Variants in PPP1R12B observed in about 807,000 individuals in gnomAD.
PPP1R12B encodes the protein protein phosphatase 1 regulatory subunit 12B.
Under a neutral mutation model 126.1 loss-of-function variants are expected in PPP1R12B, and 76 were observed. The ratio of observed to expected loss-of-function variants is 0.60; its 90% CI spans 0.50 to 0.73. The LOEUF (loss-of-function observed/expected upper bound fraction) is 0.73. PPP1R12B is among the 30% of genes least tolerant of loss of function. The probability of loss-of-function intolerance (pLI) is 0.00; values close to 1 mark genes in which losing one functional copy is unlikely to be tolerated. For synonymous variants in PPP1R12B, 356 were observed against 434.7 expected (o/e 0.82, Z 2.25); for missense variants, 1,052 against 1,205.1 (o/e 0.87, Z 1.88).
intron 23 of PPP1R12B, among the ~76,000 whole-genome samples, chr1:202,571,086 C>A (rs371158057): frequency 6.6e-6 from 1 of 152,218 alleles, no homozygotes; most frequent in Non-Finnish European, 1.5e-5. Flanking sequence ...CAGGCCCACA[C>A]ACAAAAACCC....
chr1:202,446,630 T>G (rs1266413161), intron 12 of PPP1R12B, among the ~76,000 whole-genome samples: 1 of 150,438 alleles, frequency 6.6e-6, no homozygotes, highest in Non-Finnish European at 1.5e-5. Flanking sequence ...CTATAACTAT[T>G]AAGAGCTGCA....
Position 202,590,969 on chromosome 1 carries a change from C to T in PPP1R12B, c.*10409C>T, listed in dbSNP as rs1029008048. ...CTAAGGCAGGTGGGATGGAGGAACT[C>T]CTGGTGCCCCATGCACACTGCTCCC... On this transcript the variant is annotated 3_prime_UTR_variant, in exon 24 of 24. Coordinates refer to ENST00000608999, the MANE Select transcript of PPP1R12B (RefSeq NM_002481.4). 2 of 152,282 alleles carry T rather than the reference C, an allele frequency of 1.3e-5. No homozygotes were observed. Among genetic ancestry groups the T allele is most frequent in the Non-Finnish European group, 2.9e-5 (2 of 68,116 alleles). The allele number at this position is 152,282 out of a possible 1,614,324, so 9.4% of individuals were successfully genotyped here. A position where few individuals can be genotyped will look rare whatever the true frequency, so the allele number is the denominator to read the frequency against.
intron 10 of PPP1R12B, chr1:202,439,668 C>T (rs1334466783): frequency 2.9e-6 from 2 of 687,932 alleles, no homozygotes; most frequent in Non-Finnish European, 5.1e-6. Flanking sequence ...TGGTCCGGCC[C>T]CCTTCTCCAA....
At chr1:202,505,591 C>G (rs1403786097) in intron 18 of PPP1R12B, among the ~76,000 whole-genome samples, 1 of 152,154 alleles carries the variant, frequency 6.6e-6, no homozygotes, top group African/African-American at 2.4e-5. Context: ...TTGTTTTCCT[C>G]TCTCTCTGGG....
intron 18 of PPP1R12B, among the ~76,000 whole-genome samples, chr1:202,524,563 C>A (rs1683117180): frequency 6.6e-6 from 1 of 152,152 alleles, no homozygotes; most frequent in Non-Finnish European, 1.5e-5. Flanking sequence ...GTATCACTGA[C>A]ACCTTTTCGT....
intron 1 of PPP1R12B, among the ~76,000 whole-genome samples, chr1:202,410,669 TC>T (rs973421037): frequency 2.4e-4 from 37 of 152,234 alleles, no homozygotes; most frequent in African/African-American, 8.9e-4. Context: ...CAGTGCTCTT[TC>T]CCCAGATTAT....
chr1:202,529,553 T>C (rs1215501503), intron 18 of PPP1R12B, among the ~76,000 whole-genome samples: 7 of 152,182 alleles, frequency 4.6e-5, no homozygotes. Context: ...TTCAGCCTCA[T>C]TTATAGGCTC....
rs543893187 is a variant in PPP1R12B, at chr1:202,493,017, T to C, written c.1942-97T>C. On this transcript the variant is annotated intron_variant, in intron 14 of 23. Transcript: ENST00000608999. ...ATTTTGAGGGGCTTCATTTTGGGAT[T>C]TGATAACTATTAGGTCTTTTTGGGA... is the stretch of plus-strand genomic sequence containing the variant. The C allele has an allele frequency of 2.5e-5, 33 of 1,313,090 alleles. No individual in the cohort carries two copies. In the East Asian group the frequency reaches 7.5e-4, roughly 30 times the overall value. 81.3% of individuals were successfully genotyped at this position (1,313,090 alleles called of 1,614,324 possible). A position where few individuals can be genotyped will look rare whatever the true frequency, so the allele number is the denominator to read the frequency against.
At chr1:202,484,519 T>C (rs1377565675) in intron 13 of PPP1R12B, among the ~76,000 whole-genome samples, 2 of 152,244 alleles carry the variant, frequency 1.3e-5, no homozygotes, top group African/African-American at 2.4e-5. Context: ...GAGACTTACA[T>C]AGCACCATTA....
chr1:202,448,968 T>C, intron 12 of PPP1R12B, 21 bp from the exon 13 acceptor site: 2 of 1,611,536 alleles, frequency 1.2e-6, no homozygotes, highest in Non-Finnish European at 1.7e-6. Context: ...TCCTTTCTGC[T>C]TGTATCTTTT....
At chr1:202,484,222 G>C (rs1441429285) in intron 13 of PPP1R12B, among the ~76,000 whole-genome samples, 3 of 151,990 alleles carry the variant, frequency 2.0e-5, no homozygotes, top group Non-Finnish European at 4.4e-5. Context: ...CTGTGGTTTG[G>C]TGGTTTTCTG....
chr1:202,571,813 C>T (rs1688639788), intron 23 of PPP1R12B, among the ~76,000 whole-genome samples: 1 of 152,078 alleles, frequency 6.6e-6, no homozygotes. Flanking sequence ...CCATTATTCT[C>T]CATTATCCAT....
In PPP1R12B at chr1:202,582,430, CTCA is replaced by C. The variant is rs1008023802; in HGVS notation, c.*1875_*1877del. 1 of 152,582 alleles carries C rather than the reference CTCA, an allele frequency of 6.6e-6. No homozygotes were observed. The highest frequency in any genetic ancestry group is 1.5e-5 in the Non-Finnish European group (1 of 68,032). The allele number at this position is 152,582 out of a possible 1,614,324, so 9.5% of individuals were successfully genotyped here. A position where few individuals can be genotyped will look rare whatever the true frequency, so the allele number is the denominator to read the frequency against. On this transcript the variant is annotated 3_prime_UTR_variant, in exon 24 of 24. Transcript: ENST00000608999. The stretch of plus-strand genomic sequence containing the variant: ...ACTTGAGTGTGCAAGTCATTAAATC[CTCA>C]TCATTTTAGGGTTGCCAGTGATATT...
chr1:202,364,389 T>C (rs1658757930), intron 1 of PPP1R12B, among the ~76,000 whole-genome samples: 1 of 151,964 alleles, frequency 6.6e-6, no homozygotes, highest in Non-Finnish European at 1.5e-5. Context: ...TAAGAATTGG[T>C]TTTACATTTG....
At chr1:202,380,972 A>G (rs1213352795) in intron 1 of PPP1R12B, among the ~76,000 whole-genome samples, 2 of 152,198 alleles carry the variant, frequency 1.3e-5, no homozygotes, top group African/African-American at 4.8e-5. Context: ...TCCTTTACTA[A>G]TGACTACCCA....
intron 1 of PPP1R12B, among the ~76,000 whole-genome samples, chr1:202,381,053 G>A (rs962896107): frequency 6.6e-6 from 1 of 152,058 alleles, no homozygotes; most frequent in Non-Finnish European, 1.5e-5. Context: ...ATAGCATTCC[G>A]GGATTTTTAT....
chr1:202,402,104 C>T (rs932617277), intron 1 of PPP1R12B, among the ~76,000 whole-genome samples: 3 of 152,156 alleles, frequency 2.0e-5, no homozygotes, highest in African/African-American at 7.2e-5. Context: ...TAAAGGGATG[C>T]CATTGCTTTG....
At chr1:202,507,099 G>A (rs2148885962) in intron 18 of PPP1R12B, among the ~76,000 whole-genome samples, 1 of 152,322 alleles carries the variant, frequency 6.6e-6, no homozygotes, top group African/African-American at 2.4e-5. Flanking sequence ...TTGAGGGGCA[G>A]TGGGGAGGAA....
At chr1:202,567,889 C>T in intron 22 of PPP1R12B, 58 bp downstream of exon 22, 1 of 1,583,232 alleles carries the variant, frequency 6.3e-7, no homozygotes, top group Non-Finnish European at 8.7e-7. Flanking sequence ...CTGACTCTCT[C>T]CCACTTTGTT....
Sources: gnomAD v4.1 joint callset for allele counts (sites outside exome capture counted in the v4.1 genomes callset) on GRCh38, gnomAD v4.1.1 for gene constraint, MANE v1.5 for transcripts, NCBI Gene and HGNC (gene_info 2026-07-23, HGNC 2026-07-21) for gene names.